CMSS1: variants seen among roughly 807,000 people sequenced by gnomAD.
CMSS1 encodes the protein cms1 ribosomal small subunit homolog.
CMSS1 carries 33 observed loss-of-function variants against 43.5 expected under a neutral mutation model. The ratio of observed to expected loss-of-function variants is 0.76; its 90% CI spans 0.57 to 1.01. The LOEUF (loss-of-function observed/expected upper bound fraction) is 1.01. Among genes scored for constraint, CMSS1 ranks in the 50% least tolerant of loss-of-function variants. The pLI is 0.00. For synonymous variants in CMSS1, 115 were observed against 117.2 expected (o/e 0.98, Z 0.12); for missense variants, 313 against 326.4 (o/e 0.96, Z 0.32).
intron 1 of CMSS1, among the ~76,000 whole-genome samples, chr3:100,073,609 A>C (rs2065797783): frequency 6.6e-6 from 1 of 152,190 alleles, no homozygotes; most frequent in East Asian, 1.9e-4. Flanking sequence ...TTCATTTAGC[A>C]CATTTTGTTA....
chr3:100,039,447 A>T (rs2065164065), intron 1 of CMSS1, among the ~76,000 whole-genome samples: 1 of 152,212 alleles, frequency 6.6e-6, no homozygotes, highest in African/African-American at 2.4e-5. Context: ...GTTCTACAAA[A>T]ATACCAACTT....
At chr3:100,064,708 T>C (rs1284363186) in intron 1 of CMSS1, among the ~76,000 whole-genome samples, 1 of 152,208 alleles carries the variant, frequency 6.6e-6, no homozygotes. Context: ...TCAGATTCAT[T>C]AAGGGCATGT....
At chr3:100,151,858 A>T (rs1576108370) in intron 2 of CMSS1, among the ~76,000 whole-genome samples, 2 of 152,242 alleles carry the variant, frequency 1.3e-5, no homozygotes, top group East Asian at 3.9e-4. Context: ...AAATCTTGTC[A>T]TCTAAATCAG....
In CMSS1 at chr3:100,180,322, T is replaced by A. The variant is rs1381864271; in HGVS notation, c.*1934T>A. On this transcript the variant is annotated 3_prime_UTR_variant, in exon 10 of 10. Transcript: ENST00000421999. ...TTCTCCCCAGAAAATGGCTTTTCTT[T>A]TCTACCACATGGTCAGGCTGCAAAT... The A allele has an allele frequency of 6.6e-6, 1 of 152,282 alleles. No individual in the cohort carries two copies. The highest frequency in any genetic ancestry group is 1.5e-5 in the Non-Finnish European group (1 of 68,058). 9.4% of individuals were successfully genotyped at this position (152,282 alleles called of 1,614,324 possible). A position where few individuals can be genotyped will look rare whatever the true frequency, so the allele number is the denominator to read the frequency against.
chr3:99,903,673 T>C (rs572896988), intron 1 of CMSS1, among the ~76,000 whole-genome samples: 302 of 152,302 alleles, frequency 2.0e-3, no homozygotes, highest in African/African-American at 6.8e-3. Context: ...TAATTCATTT[T>C]TTAAGCTTGC....
At position 99,818,977 on chromosome 3, in the gene CMSS1, A is replaced by G. The variant is rs1274729900; in HGVS notation, c.64+934A>G. On this transcript the variant is annotated intron_variant, in intron 1 of 9. Transcript: ENST00000421999. ...TCCTCAAGGTCTGCCTCTTTTCTCTACAAGAGAAGACAGGGCCAAAGTCAG... is the reference window on the plus strand; with the variant it reads ...TCCTCAAGGTCTGCCTCTTTTCTCTGCAAGAGAAGACAGGGCCAAAGTCAG... Among the ~76,000 whole-genome samples the G allele has an allele frequency of 2.6e-5, 4 of 152,178 alleles. No homozygotes were observed. In the East Asian group the frequency reaches 5.8e-4, roughly 22 times the overall value.
intron 1 of CMSS1, among the ~76,000 whole-genome samples, chr3:99,834,583 T>C (rs1364953461): frequency 6.6e-6 from 1 of 152,246 alleles, no homozygotes; most frequent in African/African-American, 2.4e-5. Context: ...TAACCTTAAA[T>C]ACTTGTCTTC....
At chr3:100,010,760 G>A (rs1370244026) in intron 1 of CMSS1, among the ~76,000 whole-genome samples, 2 of 149,058 alleles carry the variant, frequency 1.3e-5, no homozygotes, top group Non-Finnish European at 3.0e-5. Context: ...GATTACAGGT[G>A]CGCGCCTCCA....
At chr3:99,942,069 T>C (rs1707866669) in intron 1 of CMSS1, among the ~76,000 whole-genome samples, 2 of 151,900 alleles carry the variant, frequency 1.3e-5, no homozygotes, top group Admixed American at 1.3e-4. Context: ...ACAAAAAAAT[T>C]AGTGGGGCAT....
chr3:99,881,762 A>G (rs539171755), intron 1 of CMSS1, among the ~76,000 whole-genome samples: 1 of 152,274 alleles, frequency 6.6e-6, no homozygotes, highest in African/African-American at 2.4e-5. Context: ...CGAACTCCTG[A>G]CTTCAGGTGA....
intron 1 of CMSS1, among the ~76,000 whole-genome samples, chr3:100,117,674 A>C (rs549680701): frequency 2.1e-4 from 32 of 151,806 alleles, no homozygotes; most frequent in African/African-American, 6.8e-4. Context: ...CTAATGTAAA[A>C]TATCTCAGTA....
In CMSS1 at chr3:100,069,609, A is replaced by G. The variant is rs80193039; in HGVS notation, c.65-77364A>G. On this transcript the variant is annotated intron_variant, in intron 1 of 9. Coordinates refer to ENST00000421999, the MANE Select transcript of CMSS1 (RefSeq NM_032359.4). ...GCTTCAGTCTCCTGAGGCACCAGAC[A>G]GTTTATACTCTTAAGAATTTTCACT... Among the ~76,000 whole-genome samples, 133 of 152,336 alleles carry G rather than the reference A, an allele frequency of 8.7e-4. 2 individuals are homozygous for G. The East Asian group carries it at 0.023, about 26-fold the overall frequency.
chr3:100,135,483 TG>T (rs1468971110), intron 1 of CMSS1, among the ~76,000 whole-genome samples: 160 of 147,174 alleles, frequency 1.1e-3, no homozygotes, highest in Non-Finnish European at 1.8e-3. Flanking sequence ...TGTGTGTGTG[TG>T]TGTGTGTTTA....
chr3:99,868,401 C>T (rs145525294), intron 1 of CMSS1, among the ~76,000 whole-genome samples: 5 of 152,292 alleles, frequency 3.3e-5, no homozygotes, highest in African/African-American at 1.2e-4. Context: ...CAAAGGACCT[C>T]CTCTTTGGCC....
chr3:99,934,256 C>T (rs747708116), intron 1 of CMSS1, among the ~76,000 whole-genome samples: 42 of 152,162 alleles, frequency 2.8e-4, no homozygotes, highest in Admixed American at 1.4e-3. Flanking sequence ...GATACAAGGC[C>T]ACATTGCAAA....
intron 1 of CMSS1, among the ~76,000 whole-genome samples, chr3:100,088,914 G>A (rs984887193): frequency 6.6e-6 from 1 of 150,458 alleles, no homozygotes; most frequent in Non-Finnish European, 1.5e-5. Flanking sequence ...TTTATTTTTT[G>A]TCCTTCTGAC....
chr3:100,154,948 G>C (rs190701), intron 2 of CMSS1, among the ~76,000 whole-genome samples: 1 of 152,086 alleles, frequency 6.6e-6, no homozygotes, highest in Non-Finnish European at 1.5e-5. Flanking sequence ...CTCCAGCCTA[G>C]GCAACAGAAT....
chr3:100,062,272 C>T (rs2065585813), intron 1 of CMSS1, among the ~76,000 whole-genome samples: 1 of 151,636 alleles, frequency 6.6e-6, no homozygotes, highest in Non-Finnish European at 1.5e-5. Flanking sequence ...CCACCACGCC[C>T]AGCTATTTTT....
At chr3:100,168,200 G>A (rs2067080432) in intron 6 of CMSS1, among the ~76,000 whole-genome samples, 1 of 152,158 alleles carries the variant, frequency 6.6e-6, no homozygotes, top group Admixed American at 6.5e-5. Flanking sequence ...AGCATTCCAG[G>A]TAGAGGGGAG....
Sources: gnomAD v4.1 joint callset for allele counts (sites outside exome capture counted in the v4.1 genomes callset) on GRCh38, gnomAD v4.1.1 for gene constraint, MANE v1.5 for transcripts, NCBI Gene and HGNC (gene_info 2026-07-23, HGNC 2026-07-21) for gene names.